Variants in MAGI1 observed in about 807,000 individuals in gnomAD.
MAGI1 encodes the protein membrane-associated guanylate kinase, WW and PDZ domain-containing protein 1.
In MAGI1, 58 loss-of-function variants were observed where a neutral mutation model predicts 139.9. That is an observed-to-expected ratio of 0.41 (90% CI 0.34 to 0.52). MAGI1 has a LOEUF of 0.52. Ranked by LOEUF, MAGI1 falls within the 20% of genes least tolerant of loss-of-function variation. The pLI, the probability that MAGI1 is intolerant of heterozygous loss-of-function variation, is 0.12. For missense variants in MAGI1, 1,874 were observed against 1,901.6 expected (o/e 0.99, Z 0.27); for synonymous variants, 812 against 737.9 (o/e 1.10, Z -1.63).
intron 18 of MAGI1, among the ~76,000 whole-genome samples, chr3:65,367,217 C>T (rs1165335257): frequency 6.6e-6 from 1 of 152,182 alleles, no homozygotes. Context: ...TTGAATTGTA[C>T]AGAGGTTCCT....
chr3:65,647,801 C>T (rs139793124), intron 1 of MAGI1, among the ~76,000 whole-genome samples: 71 of 152,216 alleles, frequency 4.7e-4, no homozygotes, highest in African/African-American at 1.6e-3. Flanking sequence ...ATAGAGGTAT[C>T]TTGCTGGTAA....
intron 2 of MAGI1, among the ~76,000 whole-genome samples, chr3:65,571,418 T>C (rs530499765): frequency 6.6e-6 from 1 of 152,190 alleles, no homozygotes; most frequent in South Asian, 2.1e-4. Flanking sequence ...GAAAATGGTA[T>C]AGTGTTATTT....
chr3:65,920,307 T>C (rs547761492), intron 1 of MAGI1, among the ~76,000 whole-genome samples: 1 of 152,298 alleles, frequency 6.6e-6, no homozygotes, highest in African/African-American at 2.4e-5. Context: ...TGATAGTCAT[T>C]AAAAACAGTG....
chr3:65,543,338 T>G (rs749701856), intron 2 of MAGI1, among the ~76,000 whole-genome samples: 3 of 152,190 alleles, frequency 2.0e-5, no homozygotes, highest in Non-Finnish European at 4.4e-5. Context: ...TGGAAGACAG[T>G]GTGGCAATTC....
chr3:65,925,131 C>T (rs558732483), intron 1 of MAGI1: 4 of 152,286 alleles, frequency 2.6e-5, no homozygotes, highest in African/African-American at 9.6e-5. Flanking sequence ...TTCCATTGCT[C>T]ATCCAGGAAT....
chr3:65,370,637 T>C (rs1941894405), intron 18 of MAGI1, among the ~76,000 whole-genome samples: 1 of 152,046 alleles, frequency 6.6e-6, no homozygotes. Flanking sequence ...TTTTCCAGGG[T>C]ATTTTATTTT....
At chr3:65,693,679 G>A (rs2088877638) in intron 1 of MAGI1, among the ~76,000 whole-genome samples, 1 of 151,108 alleles carries the variant, frequency 6.6e-6, no homozygotes, top group East Asian at 1.9e-4. Flanking sequence ...AATTCTGACA[G>A]GGTATCCATA....
intron 2 of MAGI1, among the ~76,000 whole-genome samples, chr3:65,554,402 C>A (rs1241076470): frequency 1.3e-5 from 2 of 152,164 alleles, no homozygotes; most frequent in Non-Finnish European, 2.9e-5. Context: ...CTGAATCCAA[C>A]AATAAAAAGT....
At chr3:65,903,155 C>T (rs1262840142) in intron 1 of MAGI1, among the ~76,000 whole-genome samples, 1 of 152,158 alleles carries the variant, frequency 6.6e-6, no homozygotes, top group African/African-American at 2.4e-5. Flanking sequence ...CCAACACTCC[C>T]AGCCAATGTT....
Position 65,794,048 on chromosome 3 carries a change from G to A in MAGI1, c.314-171960C>T, listed in dbSNP as rs148544871. On this transcript the variant is annotated intron_variant, in intron 1 of 22. Transcript: ENST00000402939. ...AGCCACCATATCTGTGATTTATTGC[G>A]CTACCACAATACAGAACACGACTCG... Among the ~76,000 whole-genome samples the A allele has an allele frequency of 6.8e-4, 103 of 152,092 alleles. No homozygotes were observed. The Middle Eastern group carries it at 0.017, about 25-fold the overall frequency.
intron 1 of MAGI1, among the ~76,000 whole-genome samples, chr3:65,987,178 A>AT (rs1489775429): frequency 1.3e-5 from 2 of 152,068 alleles, no homozygotes; most frequent in African/African-American, 4.8e-5. Flanking sequence ...TAAAGAAGGG[A>AT]TTTTAAGCCT....
At chr3:65,734,478 G>GA (rs1326174784) in intron 1 of MAGI1, among the ~76,000 whole-genome samples, 1 of 131,770 alleles carries the variant, frequency 7.6e-6, no homozygotes, top group African/African-American at 3.2e-5. Flanking sequence ...AAAAAAGAAA[G>GA]AAGAGAAAGA....
At chr3:65,985,080 T>A (rs1010170975) in intron 1 of MAGI1, among the ~76,000 whole-genome samples, 2 of 152,210 alleles carry the variant, frequency 1.3e-5, no homozygotes, top group African/African-American at 4.8e-5. Context: ...CCTCATTTAC[T>A]GAGCATGTGT....
At chr3:65,730,296 TA>T (rs752000375) in intron 1 of MAGI1, among the ~76,000 whole-genome samples, 48 of 151,376 alleles carry the variant, frequency 3.2e-4, no homozygotes, top group African/African-American at 1.1e-3. Context: ...AACAATGCTA[TA>T]AAAAAAAATG....
chr3:65,535,912 A>G (rs7620620), intron 2 of MAGI1, among the ~76,000 whole-genome samples: 50,149 of 152,074 alleles, frequency 0.33, 9,266 homozygotes, highest in African/African-American at 0.49. Context: ...TTTAAGGACC[A>G]TGTTGAATTT....
chr3:65,462,355 A>G (rs1438334764), intron 5 of MAGI1, among the ~76,000 whole-genome samples: 2 of 152,094 alleles, frequency 1.3e-5, no homozygotes, highest in Admixed American at 1.3e-4. Context: ...AGTTTTTCCA[A>G]CACCATTTAT....
rs555376243 is a variant in MAGI1 at position 66,036,272 on chromosome 3, C to T, written c.313+1724G>A. On this transcript the variant is annotated intron_variant, in intron 1 of 22. Transcript: ENST00000402939. ...CAGGCACTGTTGGGTGCACTTTCCACGTGTTAGCTTATGTAATACCCACAG... is the reference window on the plus strand; with the variant it reads ...CAGGCACTGTTGGGTGCACTTTCCATGTGTTAGCTTATGTAATACCCACAG... Among the ~76,000 whole-genome samples, 55 of 152,288 alleles carry T rather than the reference C, an allele frequency of 3.6e-4. 1 individual carries two copies. The South Asian group carries it at 0.011, about 31-fold the overall frequency.
intron 1 of MAGI1, among the ~76,000 whole-genome samples, chr3:66,034,651 G>A (rs559747603): frequency 2.0e-5 from 3 of 152,142 alleles, no homozygotes; most frequent in Non-Finnish European, 2.9e-5. Context: ...AGCTTTATTC[G>A]TAATAGTAAA....
intron 13 of MAGI1, 138 bp downstream of exon 13, chr3:65,401,301 T>G: frequency 1.9e-6 from 2 of 1,073,738 alleles, no homozygotes; most frequent in Non-Finnish European, 2.7e-6. Flanking sequence ...CTTAAGAAAA[T>G]GAGCCCCGGC....
Sources: allele counts gnomAD v4.1 joint callset (sites outside exome capture counted in the v4.1 genomes callset), GRCh38; gene constraint gnomAD v4.1.1; transcripts MANE v1.5; gene names NCBI Gene and HGNC (gene_info 2026-07-23, HGNC 2026-07-21).